HIBADH: variants seen among roughly 807,000 people sequenced by gnomAD.
HIBADH encodes 3-hydroxyisobutyrate dehydrogenase.
A neutral mutation model predicts 36.1 loss-of-function variants in HIBADH; 25 were observed. The ratio of observed to expected loss-of-function variants is 0.69; its 90% CI spans 0.50 to 0.97. The LOEUF (loss-of-function observed/expected upper bound fraction) is 0.97. Ranked by LOEUF, HIBADH falls within the 50% of genes least tolerant of loss-of-function variation. The probability of loss-of-function intolerance (pLI) is 0.00; values close to 1 mark genes in which losing one functional copy is unlikely to be tolerated. For synonymous variants in HIBADH, 160 were observed against 149.5 expected (o/e 1.07, Z -0.51); for missense variants, 421 against 418.0 (o/e 1.01, Z -0.06).
chr7:27,644,507 G>A (rs1327273193), intron 2 of HIBADH, among the ~76,000 whole-genome samples: 1 of 150,880 alleles, frequency 6.6e-6, no homozygotes, highest in Non-Finnish European at 1.5e-5. Flanking sequence ...GTCTGAGACA[G>A]GAGAATTGCT....
At chr7:27,546,524 T>C (rs1784237284) in intron 4 of HIBADH, among the ~76,000 whole-genome samples, 1 of 152,184 alleles carries the variant, frequency 6.6e-6, no homozygotes, top group African/African-American at 2.4e-5. Flanking sequence ...GGGATAATTT[T>C]AGCCCCTCTT....
At chr7:27,610,421 G>C (rs1019208281) in intron 4 of HIBADH, among the ~76,000 whole-genome samples, 2 of 152,054 alleles carry the variant, frequency 1.3e-5, no homozygotes. Context: ...ACCTATCCTG[G>C]TATCTACCTT....
At chr7:27,556,095 C>T (rs938275255) in intron 4 of HIBADH, among the ~76,000 whole-genome samples, 27 of 152,042 alleles carry the variant, frequency 1.8e-4, no homozygotes, top group African/African-American at 6.0e-4. Flanking sequence ...TTTGAAAAAA[C>T]GTCCACCATA....
chr7:27,546,149 C>A (rs1440635697), intron 4 of HIBADH, among the ~76,000 whole-genome samples: 2 of 152,048 alleles, frequency 1.3e-5, no homozygotes, highest in African/African-American at 2.4e-5. Flanking sequence ...ACTCTGTCAC[C>A]CTGGCTGGAG....
chr7:27,533,279 G>C (rs1206175234), intron 6 of HIBADH, among the ~76,000 whole-genome samples: 1 of 152,062 alleles, frequency 6.6e-6, no homozygotes, highest in Non-Finnish European at 1.5e-5. Context: ...CATTTTTCTT[G>C]AATGTTCAAG....
chr7:27,632,195 AACC>A (rs1785758416), intron 3 of HIBADH, 138 bp downstream of exon 3: 3 of 562,810 alleles, frequency 5.3e-6, no homozygotes, highest in South Asian at 2.7e-5. Context: ...ACAATGAGAA[AACC>A]ACCACACTAT....
intron 4 of HIBADH, among the ~76,000 whole-genome samples, chr7:27,550,190 T>C (rs1054120698): frequency 5.9e-5 from 9 of 152,176 alleles, no homozygotes; most frequent in Non-Finnish European, 1.5e-5. Context: ...ATTACAGGCA[T>C]GAGTCACCAC....
intron 4 of HIBADH, among the ~76,000 whole-genome samples, chr7:27,581,530 T>C (rs1784788937): frequency 6.6e-6 from 1 of 152,204 alleles, no homozygotes. Flanking sequence ...TACGGAAGGA[T>C]GGAAGGTAGA....
intron 4 of HIBADH, 39 bp from the exon 5 acceptor site, chr7:27,543,139 T>C: frequency 6.2e-7 from 1 of 1,605,022 alleles, no homozygotes; most frequent in Non-Finnish European, 8.5e-7. Context: ...AGCAAAAGAA[T>C]ATATTTCTTA....
intron 5 of HIBADH, among the ~76,000 whole-genome samples, chr7:27,542,046 T>C (rs1415118749): frequency 1.4e-4 from 21 of 152,232 alleles, no homozygotes; most frequent in Non-Finnish European, 2.2e-4. Context: ...CTATAAATAT[T>C]TGTAAACTTT....
At chr7:27,644,258 G>A (rs1786015142) in intron 2 of HIBADH, among the ~76,000 whole-genome samples, 1 of 152,016 alleles carries the variant, frequency 6.6e-6, no homozygotes, top group South Asian at 2.1e-4. Flanking sequence ...GAGGTCAAGA[G>A]ATCGAGACCA....
chr7:27,555,192 G>T (rs1467574989), intron 4 of HIBADH, among the ~76,000 whole-genome samples: 2 of 151,810 alleles, frequency 1.3e-5, no homozygotes, highest in Admixed American at 1.3e-4. Context: ...ACAGAATTCT[G>T]TATATGTGAT....
chr7:27,526,753 T>G (rs1403383982), intron 7 of HIBADH, among the ~76,000 whole-genome samples: 8 of 152,178 alleles, frequency 5.3e-5, no homozygotes, highest in Non-Finnish European at 8.8e-5. Flanking sequence ...GAAATACAGT[T>G]GCAAATATTA....
intron 4 of HIBADH, among the ~76,000 whole-genome samples, chr7:27,569,538 T>G (rs952301269): frequency 1.3e-5 from 2 of 152,138 alleles, no homozygotes; most frequent in African/African-American, 2.4e-5. Flanking sequence ...CTTGGTATGC[T>G]GTTTAGGGTC....
chr7:27,590,969 G>A (rs1280159377), intron 4 of HIBADH, among the ~76,000 whole-genome samples: 2 of 152,076 alleles, frequency 1.3e-5, no homozygotes, highest in Non-Finnish European at 2.9e-5. Context: ...AGGATCTCAG[G>A]AAAAATATTA....
chr7:27,594,197 G>A (rs1163479818), intron 4 of HIBADH, among the ~76,000 whole-genome samples: 2 of 148,052 alleles, frequency 1.4e-5, no homozygotes, highest in African/African-American at 5.0e-5. Flanking sequence ...CGGCTGGAGT[G>A]CAGTGGCACA....
intron 1 of HIBADH, among the ~76,000 whole-genome samples, chr7:27,652,181 C>A (rs1786207435): frequency 6.6e-6 from 1 of 152,160 alleles, no homozygotes; most frequent in Admixed American, 6.5e-5. Context: ...TAATACTTTA[C>A]TAAGTTGTAA....
At chr7:27,599,986 A>G (rs2128290140) in intron 4 of HIBADH, among the ~76,000 whole-genome samples, 1 of 152,278 alleles carries the variant, frequency 6.6e-6, no homozygotes, top group Middle Eastern at 3.4e-3. Flanking sequence ...GGGATATGGA[A>G]GAAGTAACAG....
At chr7:27,645,131 G>A (rs116797502) in intron 2 of HIBADH, among the ~76,000 whole-genome samples, 5,192 of 152,166 alleles carry the variant, frequency 0.034, 118 homozygotes, top group South Asian at 0.093. Flanking sequence ...ATGTTTCCGT[G>A]TGGATACAAA....
Sources: allele counts gnomAD v4.1 joint callset (sites outside exome capture counted in the v4.1 genomes callset), GRCh38; gene constraint gnomAD v4.1.1; transcripts MANE v1.5; gene names NCBI Gene and HGNC (gene_info 2026-07-23, HGNC 2026-07-21).